SNX25: variants seen among roughly 807,000 people sequenced by gnomAD.
The protein encoded by SNX25 is sorting nexin-25.
Under a neutral mutation model 113.7 loss-of-function variants are expected in SNX25, and 62 were observed. That is an observed-to-expected ratio of 0.55 (90% CI 0.44 to 0.67). SNX25 has a LOEUF of 0.67. Ranked by LOEUF, SNX25 falls within the 30% of genes least tolerant of loss-of-function variation. The pLI is 0.00. For synonymous variants in SNX25, 421 were observed against 436.2 expected, an observed-to-expected ratio of 0.97 and a Z score of 0.43; for missense variants, 1,014 against 1,161.0, an observed-to-expected ratio of 0.87 and a Z score of 1.84.
chr4:185,223,816 C>G (rs1220048929), intron 1 of SNX25, among the ~76,000 whole-genome samples: 1 of 151,830 alleles, frequency 6.6e-6, no homozygotes, highest in Non-Finnish European at 1.5e-5. Flanking sequence ...CACTCAATAC[C>G]TAGATCCATT....
At chr4:185,261,998 G>C (rs1747401551) in intron 3 of SNX25, among the ~76,000 whole-genome samples, 1 of 152,168 alleles carries the variant, frequency 6.6e-6, no homozygotes, top group Non-Finnish European at 1.5e-5. Flanking sequence ...GTGAGTCCAG[G>C]TTTAATGGCA....
chr4:185,303,721 G>A lies in SNX25; in HGVS notation c.1163-6914G>A, dbSNP rs551573058. On this transcript the variant is annotated intron_variant, in intron 6 of 18. Coordinates refer to ENST00000652585, the MANE Select transcript of SNX25 (RefSeq NM_001378034.2). ...ACAGTGGGCACACCCTGGCCGGGCTGCACAAAGTCCATGTGTCTCTGTACT... is the reference window on the plus strand; with the variant it reads ...ACAGTGGGCACACCCTGGCCGGGCTACACAAAGTCCATGTGTCTCTGTACT... 3.3e-5 allele frequency among the ~76,000 whole-genome samples: 5 copies of A among 150,472 alleles called. No homozygotes were observed. The South Asian group carries it at 8.4e-4, about 25-fold the overall frequency.
At chr4:185,266,429 C>T (rs750549537) in intron 4 of SNX25, among the ~76,000 whole-genome samples, 10 of 152,072 alleles carry the variant, frequency 6.6e-5, no homozygotes, top group Non-Finnish European at 1.0e-4. Context: ...GGCGAGATCT[C>T]GGCTCACTGC....
chr4:185,376,800 G>C, the SNX25 span: 2 of 716,054 alleles, frequency 2.8e-6, no homozygotes, highest in South Asian at 3.6e-5. Flanking sequence ...GATGTAATTG[G>C]ACAGAATTTC....
the SNX25 span, chr4:185,375,487 A>AATAAATATAT: frequency 8.3e-5 from 1 of 12,010 alleles, no homozygotes; most frequent in Non-Finnish European, 1.5e-4. Context: ...AAAAAAAAAA[A>AATAAATATAT]ATATATATAT....
At chr4:185,239,307 CT>C (rs1743185213) in intron 1 of SNX25, among the ~76,000 whole-genome samples, 2 of 151,878 alleles carry the variant, frequency 1.3e-5, no homozygotes, top group African/African-American at 2.4e-5. Flanking sequence ...CACGGTGAAA[CT>C]CCGTCTCTAC....
chr4:185,283,003 A>G (rs1190826945), intron 5 of SNX25, among the ~76,000 whole-genome samples: 3 of 152,234 alleles, frequency 2.0e-5, no homozygotes, highest in Admixed American at 6.5e-5. Flanking sequence ...AAAAACAAGA[A>G]TGAGAAAGTC....
chr4:185,210,294 C>T lies in SNX25; in HGVS notation c.429+39C>T, dbSNP rs2111462164. On this transcript the variant is annotated intron_variant, in intron 1 of 18. Coordinates refer to ENST00000652585, the MANE Select transcript of SNX25 (RefSeq NM_001378034.2). The surrounding 1 kb of genome is among the most constrained non-coding windows in gnomAD (Gnocchi z 4.4). The stretch of plus-strand genomic sequence containing the variant: ...TCCTGGCCGCCCAGCTCCGCCGGCC[C>T]TCCCCGCTTCCGGTGCCAGCTCCCG... The T allele has an allele frequency of 3.0e-6, 3 of 984,690 alleles. No individual in the cohort carries two copies. The highest frequency in any genetic ancestry group is 2.4e-6 in the Non-Finnish European group (2 of 829,754). 61.0% of individuals were successfully genotyped at this position (984,690 alleles called of 1,614,324 possible).
intron 1 of SNX25, among the ~76,000 whole-genome samples, chr4:185,223,207 A>G (rs1033733824): frequency 6.6e-6 from 1 of 152,114 alleles, no homozygotes; most frequent in Non-Finnish European, 1.5e-5. Context: ...ACTTCCTTGC[A>G]TGTCATTATA....
chr4:185,307,676 T>C (rs2126657695), intron 6 of SNX25, among the ~76,000 whole-genome samples: 1 of 152,378 alleles, frequency 6.6e-6, no homozygotes, highest in Non-Finnish European at 1.5e-5. Context: ...CCTTCCATGT[T>C]ACTACAGTGG....
At chr4:185,245,189 C>T (rs75742452) in intron 1 of SNX25, among the ~76,000 whole-genome samples, 3 of 151,848 alleles carry the variant, frequency 2.0e-5, no homozygotes, top group African/African-American at 2.4e-5. Context: ...CGTTCCAAAC[C>T]AGTAAGTAGA....
chr4:185,239,410 G>A (rs1175386391), intron 1 of SNX25, among the ~76,000 whole-genome samples: 3 of 152,162 alleles, frequency 2.0e-5, no homozygotes, highest in Non-Finnish European at 4.4e-5. Context: ...TTGAACCCAG[G>A]ACGCGGAGCT....
upstream of SNX25, among the ~76,000 whole-genome samples, chr4:185,208,807 T>C (rs1737326487): frequency 6.6e-6 from 1 of 152,202 alleles, no homozygotes; most frequent in Non-Finnish European, 1.5e-5. Flanking sequence ...TACATCTGCT[T>C]CTTTATTAGT....
At chr4:185,271,897 A>C (rs927659382) in intron 5 of SNX25, among the ~76,000 whole-genome samples, 1 of 152,256 alleles carries the variant, frequency 6.6e-6, no homozygotes, top group African/African-American at 2.4e-5. Context: ...ATCAGCATGA[A>C]GTGCTTTCAC....
intron 1 of SNX25, among the ~76,000 whole-genome samples, chr4:185,246,688 C>T (rs915625580): frequency 1.3e-5 from 2 of 152,144 alleles, no homozygotes; most frequent in Non-Finnish European, 2.9e-5. Context: ...TTTTGTGAAA[C>T]AAGAATTTTG....
rs938955073 is a variant in SNX25 at position 185,232,278 on chromosome 4, A to G, written c.430-15016A>G. 6.6e-6 allele frequency among the ~76,000 whole-genome samples: 1 copy of G among 152,126 alleles called. No homozygotes were observed. The highest frequency in any genetic ancestry group is 1.5e-5 in the Non-Finnish European group (1 of 68,040). ...CACAAGTCCCCTTGCCCAGTTCCTC[A>G]TTGGTCTAGTACTACGGGGTTACAA... On this transcript the variant is annotated intron_variant, in intron 1 of 18. Transcript: ENST00000652585. The surrounding 1 kb of genome is among the most constrained non-coding windows in gnomAD (Gnocchi z 4.4).
chr4:185,213,053 G>A (rs977732592), intron 1 of SNX25, among the ~76,000 whole-genome samples: 2 of 152,098 alleles, frequency 1.3e-5, no homozygotes, highest in Non-Finnish European at 2.9e-5. Flanking sequence ...AAAGGGAAAG[G>A]GTGTTTTTAT....
chr4:185,226,659 C>T (rs1332057164), intron 1 of SNX25, among the ~76,000 whole-genome samples: 3 of 152,158 alleles, frequency 2.0e-5, no homozygotes, highest in East Asian at 1.9e-4. Context: ...CTATGTTGCC[C>T]GGGCTGGTCT....
intron 1 of SNX25, among the ~76,000 whole-genome samples, chr4:185,221,198 A>T (rs1739786435): frequency 6.6e-6 from 1 of 151,496 alleles, no homozygotes; most frequent in African/African-American, 2.4e-5. Context: ...GCACTCAACT[A>T]ATTTTTGTAT....
Sources: gnomAD v4.1 joint callset for allele counts (sites outside exome capture counted in the v4.1 genomes callset) on GRCh38, gnomAD v4.1.1 for gene constraint, Gnocchi (gnomAD v3.1) non-coding constraint, MANE v1.5 for transcripts, NCBI Gene and HGNC (gene_info 2026-07-23, HGNC 2026-07-21) for gene names.